Variants in PAX2 observed in about 807,000 individuals in gnomAD.
The protein encoded by PAX2 is paired box 2, also known as paired box protein Pax-2.
PAX2 carries 9 observed loss-of-function variants against 41.7 expected under a neutral mutation model. That is an observed-to-expected ratio of 0.22 (90% CI 0.13 to 0.38). The LOEUF is 0.38. PAX2 is among the 10% of genes least tolerant of loss of function. The pLI, the probability that PAX2 is intolerant of heterozygous loss-of-function variation, is 1.00. For missense variants in PAX2, 418 were observed against 531.6 expected (o/e 0.79, Z 2.10); for synonymous variants, 221 against 212.7 (o/e 1.04, Z -0.34).
intron 5 of PAX2, among the ~76,000 whole-genome samples, chr10:100,792,895 C>T (rs1427212470): frequency 6.6e-6 from 1 of 152,188 alleles, no homozygotes; most frequent in Admixed American, 6.5e-5. Flanking sequence ...ATTAATAAAG[C>T]CCCCAACACA....
Position 100,745,861 on chromosome 10 carries a change from T to A in PAX2, c.-400T>A. ...CTCTGACCGCCCCCGCCCCGCGCGC[T>A]CTCCGACCACCGCCTCTCGGATGAC... On this transcript the variant is annotated 5_prime_UTR_variant, in exon 1 of 10. Transcript: ENST00000355243. 9.7e-7 allele frequency: 1 copy of A among 1,026,340 alleles called. No individual in the cohort carries two copies. 63.6% of individuals were successfully genotyped at this position (1,026,340 alleles called of 1,614,324 possible).
At position 100,827,188 on chromosome 10, in the gene PAX2, G is replaced by A; in HGVS notation, c.1108+93G>A. Reference sequence around the variant, plus strand: ...CCGGCGACCCGACCTCTGGGGACCCGGCCGGGCCAGGGGGACAGGCTTGTT... The same window carrying A: ...CCGGCGACCCGACCTCTGGGGACCCAGCCGGGCCAGGGGGACAGGCTTGTT... On this transcript the variant is annotated intron_variant, in intron 9 of 9. Transcript: ENST00000355243. This position sits in a 1 kb window ranked among gnomAD's most constrained non-coding sequence, Gnocchi z 8.5. 4 of 1,021,502 alleles carry A rather than the reference G, an allele frequency of 3.9e-6. No individual in the cohort carries two copies. The highest frequency in any genetic ancestry group is 6.1e-6 in the Non-Finnish European group (4 of 657,542). The allele number at this position is 1,021,502 out of a possible 1,614,324, so 63.3% of individuals were successfully genotyped here.
chr10:100,820,414 A>G (rs1359145604), intron 7 of PAX2, among the ~76,000 whole-genome samples: 1 of 152,204 alleles, frequency 6.6e-6, no homozygotes, highest in Admixed American at 6.5e-5. Flanking sequence ...AAGGCTATTC[A>G]TCTTTAAAAA....
chr10:100,776,926 T>A (rs1224957895), intron 3 of PAX2, among the ~76,000 whole-genome samples: 2 of 152,188 alleles, frequency 1.3e-5, no homozygotes, highest in African/African-American at 2.4e-5. Flanking sequence ...CTCATGTATA[T>A]GTATGTTGCT....
At chr10:100,771,577 T>C (rs1846210681) in intron 3 of PAX2, among the ~76,000 whole-genome samples, 1 of 152,170 alleles carries the variant, frequency 6.6e-6, no homozygotes, top group South Asian at 2.1e-4. Context: ...TCTAGTTCCT[T>C]AGAGTTCTCA....
chr10:100,772,346 T>G (rs10883539), intron 3 of PAX2, among the ~76,000 whole-genome samples: 45,534 of 151,066 alleles, frequency 0.3, 8,728 homozygotes, highest in African/African-American at 0.54. Context: ...TAGAGATGGG[T>G]TTTCACCATG....
intron 5 of PAX2, among the ~76,000 whole-genome samples, chr10:100,784,498 CA>C (rs1846768768): frequency 6.6e-6 from 1 of 152,210 alleles, no homozygotes; most frequent in South Asian, 2.1e-4. Context: ...CTAGGAGTGT[CA>C]TACCCCAAGG....
intron 3 of PAX2, among the ~76,000 whole-genome samples, chr10:100,761,294 TC>T: frequency 6.6e-6 from 1 of 151,888 alleles, no homozygotes; most frequent in East Asian, 1.9e-4. Context: ...AGGGTTCAGC[TC>T]CTCCTAGAAA....
chr10:100,740,826 G>C (rs189805893), upstream of PAX2, among the ~76,000 whole-genome samples: 77 of 152,290 alleles, frequency 5.1e-4, 1 homozygote, highest in East Asian at 0.014. Flanking sequence ...GTCCAGGTCT[G>C]AGCCAGAAGT....
At chr10:100,802,577 G>A (rs1030200349) in intron 5 of PAX2, among the ~76,000 whole-genome samples, 1 of 152,198 alleles carries the variant, frequency 6.6e-6, no homozygotes, top group African/African-American at 2.4e-5. Context: ...TGGGTGCCAG[G>A]CCAGTCAGAT....
chr10:100,805,430 G>A (rs956900008), intron 5 of PAX2, among the ~76,000 whole-genome samples: 1 of 152,196 alleles, frequency 6.6e-6, no homozygotes, highest in Non-Finnish European at 1.5e-5. Flanking sequence ...GGGTTTGGGG[G>A]GGAAACCCCA....
At chr10:100,787,614 T>C (rs1846921532) in intron 5 of PAX2, among the ~76,000 whole-genome samples, 1 of 151,976 alleles carries the variant, frequency 6.6e-6, no homozygotes, top group Admixed American at 6.5e-5. Context: ...GAAGGCTTTT[T>C]CCCAACGCTG....
chr10:100,763,823 G>T (rs764482451), intron 3 of PAX2, among the ~76,000 whole-genome samples: 3 of 152,214 alleles, frequency 2.0e-5, no homozygotes, highest in Non-Finnish European at 4.4e-5. Context: ...GCTCTGGGGA[G>T]AAACTGCCAG....
In PAX2 at chr10:100,739,414, C is replaced by G. The variant is rs565121875; in HGVS notation, c.25+3681C>G. Among the ~76,000 whole-genome samples the G allele has an allele frequency of 1.7e-4, 26 of 152,358 alleles. 1 individual carries two copies. The South Asian group carries it at 2.9e-3, about 17-fold the overall frequency. On this transcript the variant is annotated intron_variant, in intron 1 of 9. Transcript: ENST00000679374. ...TCTCCGCCTGCTCCTCACATCCACA[C>G]AGCTGCTGGGAGAGGAGGAAGGAAA...
rs550261905 is a variant in PAX2 at position 100,812,241 on chromosome 10, C to T, written c.919+3005C>T. On this transcript the variant is annotated intron_variant, in intron 7 of 9. Coordinates refer to ENST00000355243, the MANE Select transcript of PAX2 (RefSeq NM_000278.5). ...TGCCGAGATTTTAATTTCACTGCAT[C>T]ACAACTCAGCAAGCTGCCAAGTCAA... Among the ~76,000 whole-genome samples, 17 of 152,252 alleles carry T rather than the reference C, an allele frequency of 1.1e-4. 1 individual carries two copies. The highest frequency in any genetic ancestry group is 1.2e-4 in the Non-Finnish European group (8 of 68,048).
At chr10:100,813,381 G>A (rs942741752) in intron 7 of PAX2, among the ~76,000 whole-genome samples, 6 of 152,160 alleles carry the variant, frequency 3.9e-5, no homozygotes, top group African/African-American at 1.2e-4. Flanking sequence ...ATGTTAATAC[G>A]CAGCAAATCT....
intron 1 of PAX2, among the ~76,000 whole-genome samples, chr10:100,736,033 G>T (rs1357127953): frequency 6.6e-6 from 1 of 152,196 alleles, no homozygotes; most frequent in Non-Finnish European, 1.5e-5. Flanking sequence ...TCTACTTTGG[G>T]CTACAGATAT....
chr10:100,757,828 G>T lies in PAX2; in HGVS notation c.410+6937G>T, dbSNP rs370612916. On this transcript the variant is annotated intron_variant, in intron 3 of 9. Coordinates refer to ENST00000355243, the MANE Select transcript of PAX2 (RefSeq NM_000278.5). The stretch of plus-strand genomic sequence containing the variant: ...CAGAGGCAGCCTCAGGTCTCCTGAG[G>T]AAGGCTGGGCACAGGGGAGCTGTTG... 3.8e-4 allele frequency among the ~76,000 whole-genome samples: 58 copies of T among 152,330 alleles called. 1 individual carries two copies. The South Asian group carries it at 9.5e-3, about 25-fold the overall frequency.
intron 5 of PAX2, among the ~76,000 whole-genome samples, chr10:100,782,390 G>A (rs752286762): frequency 5.9e-5 from 9 of 152,206 alleles, no homozygotes; most frequent in South Asian, 2.1e-4. Context: ...CAAAAATGTC[G>A]TGTTTGGACA....
Sources: allele counts gnomAD v4.1 joint callset (sites outside exome capture counted in the v4.1 genomes callset), GRCh38; gene constraint gnomAD v4.1.1; non-coding constraint Gnocchi (gnomAD v3.1); transcripts MANE v1.5; gene names NCBI Gene and HGNC (gene_info 2026-07-23, HGNC 2026-07-21).